The following RANBP2 variants were observed in gnomAD, a reference collection of about 807,000 sequenced individuals.
RANBP2 encodes the protein E3 SUMO-protein ligase RanBP2.
Under a neutral mutation model 303.6 loss-of-function variants are expected in RANBP2, and 57 were observed. The observed-to-expected ratio is 0.19, with a 90% CI of 0.15 to 0.23. The LOEUF is 0.23. Among genes scored for constraint, RANBP2 ranks in the 10% least tolerant of loss-of-function variants. The pLI is 1.00. For synonymous variants in RANBP2, 1,167 were observed against 1,301.5 expected, an observed-to-expected ratio of 0.90 and a Z score of 2.23; for missense variants, 3,138 against 3,780.8, an observed-to-expected ratio of 0.83 and a Z score of 4.46.
At chr2:109,496,046 G>T in the RANBP2 span, among the ~76,000 whole-genome samples, 1 of 152,166 alleles carries the variant, frequency 6.6e-6, no homozygotes, top group East Asian at 1.9e-4. Flanking sequence ...CATGGAAGGG[G>T]ACCCACCGGG....
the RANBP2 span, among the ~76,000 whole-genome samples, chr2:108,998,024 G>A: frequency 3.3e-5 from 5 of 152,182 alleles, no homozygotes; most frequent in Admixed American, 6.5e-5. Flanking sequence ...TCTTTTATGG[G>A]TCATGCTGAA....
chr2:108,752,875 G>C (rs574897083), intron 12 of RANBP2, 123 bp from the exon 13 acceptor site: 1 of 1,581,122 alleles, frequency 6.3e-7, no homozygotes, highest in African/African-American at 1.4e-5. Flanking sequence ...TTGAACAAAT[G>C]ACTATTGAGA....
chr2:109,335,053 C>T, the RANBP2 span, among the ~76,000 whole-genome samples: 13 of 152,218 alleles, frequency 8.5e-5, no homozygotes, highest in Non-Finnish European at 1.3e-4. Context: ...ATTGAAGACA[C>T]GGTTTTGTCT....
the RANBP2 span, among the ~76,000 whole-genome samples, chr2:108,991,652 C>T: frequency 6.6e-6 from 1 of 152,156 alleles, no homozygotes; most frequent in African/African-American, 2.4e-5. Flanking sequence ...CTCTCAGCTC[C>T]GCAGCAACAA....
chr2:109,196,640 T>C, the RANBP2 span, among the ~76,000 whole-genome samples: 1 of 152,182 alleles, frequency 6.6e-6, no homozygotes. Flanking sequence ...TGGTTGCGGC[T>C]GTACCTGGCC....
chr2:109,684,279 T>C, the RANBP2 span, among the ~76,000 whole-genome samples: 6 of 131,900 alleles, frequency 4.5e-5, no homozygotes, highest in South Asian at 1.5e-3. Flanking sequence ...TCTCCCTCTG[T>C]CGCCCAGGCT....
the RANBP2 span, among the ~76,000 whole-genome samples, chr2:109,518,915 C>CTTTTTTTTTTTTTTTTTTTTT: frequency 2.7e-5 from 3 of 110,998 alleles, no homozygotes; most frequent in African/African-American, 1.2e-4. Flanking sequence ...TGCTACATAT[C>CTTTTTTTTTTTTTTTTTTTTT]TTTTTTTTTT....
chr2:109,007,251 C>T, the RANBP2 span, among the ~76,000 whole-genome samples: 1 of 152,214 alleles, frequency 6.6e-6, no homozygotes, highest in South Asian at 2.1e-4. Flanking sequence ...AGAATGATTC[C>T]CCACTTTTAC....
chr2:108,763,110 A>T, intron 19 of RANBP2, 127 bp from the exon 20 acceptor site: 4 of 1,118,388 alleles, frequency 3.6e-6, no homozygotes, highest in Non-Finnish European at 5.2e-6. Flanking sequence ...AATGATGTGT[A>T]CTACATCCCC....
At chr2:109,545,008 C>G in the RANBP2 span, 1 of 985,390 alleles carries the variant, frequency 1.0e-6, no homozygotes, top group Non-Finnish European at 1.2e-6. Context: ...TTTACTTCTC[C>G]ATATTTAAAA....
the RANBP2 span, among the ~76,000 whole-genome samples, chr2:109,407,441 G>C: frequency 6.6e-6 from 1 of 152,304 alleles, no homozygotes; most frequent in South Asian, 2.1e-4. Flanking sequence ...GCAGCTTCCT[G>C]TGTTGGCTGG....
chr2:109,287,149 A>G, the RANBP2 span, among the ~76,000 whole-genome samples: 1 of 152,174 alleles, frequency 6.6e-6, no homozygotes, highest in Non-Finnish European at 1.5e-5. Context: ...GTCCAGAGAT[A>G]AAAAAGACCC....
At chr2:109,541,977 C>A in the RANBP2 span, among the ~76,000 whole-genome samples, 1 of 152,144 alleles carries the variant, frequency 6.6e-6, no homozygotes, top group Non-Finnish European at 1.5e-5. Context: ...ATGCTTTTTC[C>A]TTGTGTTGCT....
the RANBP2 span, among the ~76,000 whole-genome samples, chr2:109,684,535 G>T: frequency 8.1e-6 from 1 of 123,138 alleles, no homozygotes; most frequent in Non-Finnish European, 1.8e-5. Flanking sequence ...CACTGCACCC[G>T]GGCTTTTTTT....
chr2:109,686,604 C>A, the RANBP2 span, among the ~76,000 whole-genome samples: 2 of 152,124 alleles, frequency 1.3e-5, no homozygotes, highest in South Asian at 4.1e-4. Flanking sequence ...TAAGCCACAG[C>A]GTCCGGCTTC....
chr2:109,409,644 T>G, the RANBP2 span, among the ~76,000 whole-genome samples: 3 of 152,222 alleles, frequency 2.0e-5, no homozygotes, highest in African/African-American at 7.2e-5. Context: ...GCGTGGCTGC[T>G]GCCTCTCCCA....
the RANBP2 span, among the ~76,000 whole-genome samples, chr2:108,988,462 C>T: frequency 1.3e-5 from 2 of 152,188 alleles, no homozygotes; most frequent in African/African-American, 4.8e-5. Context: ...TCCCCCGCCA[C>T]CAACACAGAG....
At chr2:109,003,286 T>G in the RANBP2 span, among the ~76,000 whole-genome samples, 1 of 151,856 alleles carries the variant, frequency 6.6e-6, no homozygotes, top group South Asian at 2.1e-4. Flanking sequence ...GTCAGCTCCT[T>G]TCAGGCAAAG....
chr2:108,833,631 G>A, the RANBP2 span, among the ~76,000 whole-genome samples: 1 of 151,690 alleles, frequency 6.6e-6, no homozygotes, highest in Non-Finnish European at 1.5e-5. Context: ...AGGCCAAAAA[G>A]CAAAGTGAAA....
Sources: gnomAD v4.1 joint callset for allele counts (sites outside exome capture counted in the v4.1 genomes callset) on GRCh38, gnomAD v4.1.1 for gene constraint, MANE v1.5 for transcripts, NCBI Gene and HGNC (gene_info 2026-07-23, HGNC 2026-07-21) for gene names.